Variants in CHST3 observed in about 807,000 individuals in gnomAD.
The protein encoded by CHST3 is C6ST-1.
Under a neutral mutation model 35.4 loss-of-function variants are expected in CHST3, and 20 were observed. The ratio of observed to expected loss-of-function variants is 0.57; its 90% CI spans 0.40 to 0.82. The LOEUF is 0.82. Ranked by LOEUF, CHST3 falls within the 40% of genes least tolerant of loss-of-function variation. The pLI is 0.00. For synonymous variants in CHST3, 334 were observed against 295.9 expected, an observed-to-expected ratio of 1.13 and a Z score of -1.32; for missense variants, 693 against 670.1, an observed-to-expected ratio of 1.03 and a Z score of -0.38.
intron 1 of CHST3, among the ~76,000 whole-genome samples, chr10:71,980,933 T>C (rs575115259): frequency 2.6e-5 from 4 of 152,324 alleles, no homozygotes; most frequent in Admixed American, 6.5e-5. Flanking sequence ...AAAGGCCTGC[T>C]AAGCAAAGGG....
intron 1 of CHST3, among the ~76,000 whole-genome samples, chr10:71,970,503 C>CCT (rs1473922567): frequency 6.6e-6 from 1 of 152,204 alleles, no homozygotes; most frequent in East Asian, 1.9e-4. Context: ...CCGCCCAGTC[C>CCT]CTCCTCCTTA....
At chr10:71,986,201 C>G (rs532152662) in intron 1 of CHST3, among the ~76,000 whole-genome samples, 1 of 152,354 alleles carries the variant, frequency 6.6e-6, no homozygotes, top group East Asian at 1.9e-4. Context: ...CTCCCGCTGT[C>G]TGTAAGAGCG....
intron 1 of CHST3, among the ~76,000 whole-genome samples, chr10:71,973,342 G>T (rs1718035791): frequency 6.6e-6 from 1 of 152,304 alleles, no homozygotes; most frequent in South Asian, 2.1e-4. Flanking sequence ...CCGTTTTTGG[G>T]CTGGTGGCTG....
Position 72,008,471 on chromosome 10 carries a change from G to A in CHST3, c.1440G>A (p.Ter480=). The change falls in exon 3 of 3, where the codon TAG becomes TAA. Residue 480 remains the stop codon, a stop_retained_variant. Transcript: ENST00000373115. ...LEERGTFWVT[*] is the part of the protein sequence containing the mutation. ...AGAGGGGCACCTTCTGGGTCACGTA[G>A]GGGGGCCGGGGCCCCGTATGCCCCT... 1 of 1,533,108 alleles carries A rather than the reference G, an allele frequency of 6.5e-7. No homozygotes were observed. Among genetic ancestry groups the A allele is most frequent in the Non-Finnish European group, 8.8e-7 (1 of 1,138,520 alleles). The allele number at this position is 1,533,108 out of a possible 1,614,324, so 95.0% of individuals were successfully genotyped here. A position where few individuals can be genotyped will look rare whatever the true frequency, so the allele number is the denominator to read the frequency against.
In CHST3 at chr10:72,008,787, C is replaced by G. The variant is rs1840077691; in HGVS notation, c.*316C>G. 1 of 282,758 alleles carries G rather than the reference C, an allele frequency of 3.5e-6. No individual in the cohort carries two copies. Among genetic ancestry groups the G allele is most frequent in the South Asian group, 1.1e-4 (1 of 8,812 alleles). The allele number at this position is 282,758 out of a possible 1,614,324, so 17.5% of individuals were successfully genotyped here. On this transcript the variant is annotated 3_prime_UTR_variant, in exon 3 of 3. Coordinates refer to ENST00000373115, the MANE Select transcript of CHST3 (RefSeq NM_004273.5). Reference sequence around the variant, plus strand: ...AAACATACATTCGTGCCTGGAGACCCTGCAGGCCAGAGTCCAAATATTTAA... The same window carrying G: ...AAACATACATTCGTGCCTGGAGACCGTGCAGGCCAGAGTCCAAATATTTAA...
rs1001748011 is a variant in CHST3 at position 72,009,261 on chromosome 10, G to A, written c.*790G>A. ...TAACATTTGTAGGATTATTTCGAGG[G>A]CAGGGCAGGGGAAAGAAACGCGTTA... On this transcript the variant is annotated 3_prime_UTR_variant, in exon 3 of 3. Coordinates refer to ENST00000373115, the MANE Select transcript of CHST3 (RefSeq NM_004273.5). The A allele has an allele frequency of 6.6e-6, 1 of 152,204 alleles. No individual in the cohort carries two copies. The highest frequency in any genetic ancestry group is 2.4e-5 in the African/African-American group (1 of 41,418). The allele number at this position is 152,204 out of a possible 1,614,324, so 9.4% of individuals were successfully genotyped here.
At chr10:71,995,526 C>T (rs1200551891) in intron 1 of CHST3, among the ~76,000 whole-genome samples, 1 of 152,102 alleles carries the variant, frequency 6.6e-6, no homozygotes, top group Non-Finnish European at 1.5e-5. Context: ...AGCATTCCTG[C>T]CTCACTAAGC....
At chr10:72,007,046 A>T in intron 2 of CHST3, 126 bp from the exon 3 acceptor site, 1 of 1,029,918 alleles carries the variant, frequency 9.7e-7, no homozygotes, top group South Asian at 1.4e-5. Flanking sequence ...TCCTTGCCTC[A>T]ACGTCTGCTT....
intron 1 of CHST3, among the ~76,000 whole-genome samples, chr10:72,003,345 A>G (rs1002060467): frequency 6.6e-6 from 1 of 152,170 alleles, no homozygotes; most frequent in African/African-American, 2.4e-5. Context: ...TATTAACTTA[A>G]TAAGTTCATG....
intron 1 of CHST3, among the ~76,000 whole-genome samples, chr10:71,968,251 C>T (rs1357837359): frequency 2.0e-5 from 3 of 152,004 alleles, no homozygotes; most frequent in Non-Finnish European, 2.9e-5. Context: ...TGATGTTGAC[C>T]GTTTTTTCAT....
At chr10:71,984,359 C>T (rs1310136249) in intron 1 of CHST3, among the ~76,000 whole-genome samples, 2 of 152,246 alleles carry the variant, frequency 1.3e-5, no homozygotes, top group African/African-American at 2.4e-5. Context: ...GGCCGCCCCA[C>T]GCTGTGGAGC....
Position 72,008,846 on chromosome 10 carries a change from G to T in CHST3, c.*375G>T. On this transcript the variant is annotated 3_prime_UTR_variant, in exon 3 of 3. Transcript: ENST00000373115. ...AGGGGCAAGGCTCTGACCAGTGACA[G>T]TCAGACCTCCTGCTTTATTTGGTGT... 1 of 179,252 alleles carries T rather than the reference G, an allele frequency of 5.6e-6. No individual in the cohort carries two copies. The highest frequency in any genetic ancestry group is 5.8e-5 in the Admixed American group (1 of 17,270). The allele number at this position is 179,252 out of a possible 1,614,324, so 11.1% of individuals were successfully genotyped here. A position where few individuals can be genotyped will look rare whatever the true frequency, so the allele number is the denominator to read the frequency against.
chr10:72,004,123 AC>A (rs1278370076), intron 1 of CHST3, among the ~76,000 whole-genome samples: 1 of 151,982 alleles, frequency 6.6e-6, no homozygotes, highest in Non-Finnish European at 1.5e-5. Flanking sequence ...AGCCAAGATT[AC>A]GCCATTGCAC....
rs1458142327 is a variant in CHST3, at chr10:71,967,968, G to A, written c.-108+3274G>A. On this transcript the variant is annotated intron_variant, in intron 1 of 2. Transcript: ENST00000373115. Reference sequence around the variant, plus strand: ...CCCTGATAGGCGTGCACCACCATGCGTGGCTAATTTTTTTTTTTTTTTGTA... The same window carrying A: ...CCCTGATAGGCGTGCACCACCATGCATGGCTAATTTTTTTTTTTTTTTGTA... Among the ~76,000 whole-genome samples, 8 of 89,810 alleles carry A rather than the reference G, an allele frequency of 8.9e-5. No individual in the cohort carries two copies. In the South Asian group the frequency reaches 2.8e-3, roughly 32 times the overall value. 58.9% of individuals were successfully genotyped at this position (89,810 alleles called of 152,430 possible).
intron 1 of CHST3, among the ~76,000 whole-genome samples, chr10:71,978,953 G>GA (rs930482189): frequency 1.3e-5 from 2 of 152,312 alleles, no homozygotes; most frequent in South Asian, 2.1e-4. Flanking sequence ...TGCCAAGGGG[G>GA]AAGTTCAATA....
chr10:71,979,477 C>G (rs573359971), intron 1 of CHST3, among the ~76,000 whole-genome samples: 31 of 151,712 alleles, frequency 2.0e-4, no homozygotes, highest in Non-Finnish European at 3.7e-4. Context: ...CGGAGGGAGG[C>G]TCTGGGGATG....
chr10:71,981,423 C>T (rs1403678118), intron 1 of CHST3, among the ~76,000 whole-genome samples: 2 of 152,324 alleles, frequency 1.3e-5, no homozygotes, highest in South Asian at 2.1e-4. Flanking sequence ...AGCAGCTTTG[C>T]GAGGGAGGGG....
chr10:71,996,154 G>A (rs1839936086), intron 1 of CHST3, among the ~76,000 whole-genome samples: 3 of 152,250 alleles, frequency 2.0e-5, no homozygotes, highest in Middle Eastern at 3.4e-3. Flanking sequence ...CAGGCTCTCT[G>A]TGCCTCCACC....
At position 72,007,804 on chromosome 10, in the gene CHST3, C is replaced by A. The variant is rs1840059581; in HGVS notation, c.773C>A (p.Thr258Lys). 3 of 1,601,596 alleles carry A rather than the reference C, an allele frequency of 1.9e-6. No homozygotes were observed. Among genetic ancestry groups the A allele is most frequent in the East Asian group, 4.5e-5 (2 of 44,796 alleles). ...CGCCGCTGCGGCCCCCTCAACGTGA[C>A]GCTGGCCGCAGAGGCCTGCCGCCGC... The part of the protein sequence containing the change: ...KNRRCGPLNV[T>K]LAAEACRRKE... Residue 258 changes from threonine (T) to lysine (K), a missense_variant, in exon 3 of 3, where the codon ACG becomes AAG. Physicochemically the swap from Thr to Lys is moderately conservative, Grantham distance 78. Transcript: ENST00000373115.
Sources: gnomAD v4.1 joint callset for allele counts (sites outside exome capture counted in the v4.1 genomes callset) on GRCh38, gnomAD v4.1.1 for gene constraint, MANE v1.5 for transcripts, NCBI Gene and HGNC (gene_info 2026-07-23, HGNC 2026-07-21) for gene names.